Variants in ATG5 observed in about 807,000 individuals in gnomAD.
The protein encoded by ATG5 is autophagy protein 5.
In ATG5, 14 loss-of-function variants were observed where a neutral mutation model predicts 36.5. That is an observed-to-expected ratio of 0.38 (90% CI 0.25 to 0.60). The LOEUF is 0.60. Among genes scored for constraint, ATG5 ranks in the 20% least tolerant of loss-of-function variants. ATG5 has a pLI of 0.60. For synonymous variants in ATG5, 95 were observed against 101.5 expected (o/e 0.94, Z 0.38); for missense variants, 195 against 326.7 (o/e 0.60, Z 3.11).
chr6:106,191,106 T>C (rs746401086), intron 7 of ATG5, among the ~76,000 whole-genome samples: 12 of 152,206 alleles, frequency 7.9e-5, no homozygotes, highest in South Asian at 2.1e-4. Flanking sequence ...AGCTGACCAT[T>C]AGAATCATGT....
At chr6:106,306,612 A>G (rs1770456420) in intron 3 of ATG5, among the ~76,000 whole-genome samples, 1 of 152,232 alleles carries the variant, frequency 6.6e-6, no homozygotes, top group African/African-American at 2.4e-5. Flanking sequence ...CTGCTTTACA[A>G]TAAAACTGAA....
intron 6 of ATG5, among the ~76,000 whole-genome samples, chr6:106,214,393 A>G (rs1776963603): frequency 6.6e-6 from 1 of 152,074 alleles, no homozygotes; most frequent in Non-Finnish European, 1.5e-5. Flanking sequence ...GAGAGTTGAA[A>G]ATAAGCACTT....
intron 5 of ATG5, among the ~76,000 whole-genome samples, chr6:106,276,875 AG>A (rs754676904): frequency 3.3e-5 from 5 of 152,188 alleles, no homozygotes; most frequent in Non-Finnish European, 7.4e-5. Flanking sequence ...CTTCTTAAGG[AG>A]GTGTAAATTA....
intron 3 of ATG5, among the ~76,000 whole-genome samples, chr6:106,299,758 A>G (rs1324858842): frequency 6.6e-6 from 1 of 152,240 alleles, no homozygotes; most frequent in Non-Finnish European, 1.5e-5. Flanking sequence ...TCTAGTATAA[A>G]TATCTGTACT....
chr6:106,323,581 G>A (rs1468937507), intron 1 of ATG5, among the ~76,000 whole-genome samples: 2 of 151,988 alleles, frequency 1.3e-5, no homozygotes, highest in Admixed American at 6.6e-5. Flanking sequence ...CCTTGGAGTC[G>A]TCCTTGACCC....
chr6:106,271,030 A>G (rs1009843718), intron 5 of ATG5, among the ~76,000 whole-genome samples: 2 of 152,212 alleles, frequency 1.3e-5, no homozygotes, highest in Non-Finnish European at 2.9e-5. Flanking sequence ...CTGGACTCCT[A>G]TTCCATTCTA....
chr6:106,225,923 A>C (rs2853340), intron 6 of ATG5, among the ~76,000 whole-genome samples: 1 of 152,176 alleles, frequency 6.6e-6, no homozygotes, highest in Non-Finnish European at 1.5e-5. Flanking sequence ...TAAGAAATCC[A>C]AAGGGGGTCT....
chr6:106,286,553 A>G (rs918017118), intron 4 of ATG5, among the ~76,000 whole-genome samples: 11 of 152,274 alleles, frequency 7.2e-5, no homozygotes, highest in Admixed American at 5.2e-4. Flanking sequence ...TGGTATTCCT[A>G]TCTTTCTATA....
At chr6:106,221,198 T>C (rs1777233580) in intron 6 of ATG5, among the ~76,000 whole-genome samples, 1 of 152,216 alleles carries the variant, frequency 6.6e-6, no homozygotes, top group African/African-American at 2.4e-5. Context: ...ACATCAACTG[T>C]AATCTGAGGT....
intron 5 of ATG5, among the ~76,000 whole-genome samples, chr6:106,260,744 T>C (rs1347096565): frequency 6.6e-6 from 1 of 152,172 alleles, no homozygotes; most frequent in Admixed American, 6.6e-5. Flanking sequence ...CAGTATCCAA[T>C]GAGTAACAAG....
intron 6 of ATG5, among the ~76,000 whole-genome samples, chr6:106,247,869 C>T (rs928807858): frequency 6.6e-6 from 1 of 152,134 alleles, no homozygotes; most frequent in Non-Finnish European, 1.5e-5. Flanking sequence ...CTCTGAATGA[C>T]CGTAAAAGTG....
intron 2 of ATG5, among the ~76,000 whole-genome samples, chr6:106,314,823 TG>T (rs1356518434): frequency 6.6e-6 from 1 of 152,202 alleles, no homozygotes; most frequent in Non-Finnish European, 1.5e-5. Context: ...TGACCATACT[TG>T]GTTTTTAACT....
chr6:106,306,497 G>C (rs1770451281), intron 3 of ATG5, among the ~76,000 whole-genome samples: 1 of 152,180 alleles, frequency 6.6e-6, no homozygotes, highest in Non-Finnish European at 1.5e-5. Flanking sequence ...GCACTTGTAG[G>C]AAGAGGCCAG....
At chr6:106,321,993 G>A (rs757965882) in intron 1 of ATG5, among the ~76,000 whole-genome samples, 4 of 152,130 alleles carry the variant, frequency 2.6e-5, no homozygotes, top group South Asian at 2.1e-4. Flanking sequence ...CAGTATAGTC[G>A]CACTTTAAAT....
intron 5 of ATG5, among the ~76,000 whole-genome samples, chr6:106,253,962 G>A (rs1336789733): frequency 1.3e-5 from 2 of 152,066 alleles, no homozygotes; most frequent in Non-Finnish European, 2.9e-5. Flanking sequence ...ATTCCTACCA[G>A]GCCCATTCCA....
intron 4 of ATG5, chr6:106,283,314 T>C (rs1333074568): frequency 6.6e-6 from 1 of 152,232 alleles, no homozygotes; most frequent in African/African-American, 2.4e-5. Flanking sequence ...TAACACAAGT[T>C]GGCAAGTGTC....
At chr6:106,251,717 AAGAAAGAGAAAG>A (rs971657759) in intron 5 of ATG5, among the ~76,000 whole-genome samples, 1 of 146,058 alleles carries the variant, frequency 6.8e-6, no homozygotes, top group African/African-American at 2.5e-5. Context: ...AAAAGAAAGA[AAGAAAGAGAAAG>A]AGAAAGAAAG....
Position 106,316,098 on chromosome 6 carries a change from T to C in ATG5, c.108+3A>G. ...TCCCATTTGCCACAATCAATGTACT[T>C]ACATAGTATGGTTCTGCTTCCCTTT... On this transcript the variant is annotated splice_donor_region_variant and intron_variant, in intron 2 of 7. Transcript: ENST00000369076. 1 of 1,607,776 alleles carries C rather than the reference T, an allele frequency of 6.2e-7. No individual in the cohort carries two copies. The highest frequency in any genetic ancestry group is 1.1e-5 in the South Asian group (1 of 90,314).
rs646438 is a variant in ATG5 at position 106,249,735 on chromosome 6, T to C, written c.479-1491A>G. ...CCTTACATTTCCACCAGCAATGTAT[T>C]TGGATTCCAATTAGTCCACATCCTT... is the stretch of plus-strand genomic sequence containing the variant. On this transcript the variant is annotated intron_variant, in intron 5 of 7. Transcript: ENST00000369076. Among the ~76,000 whole-genome samples the C allele has an allele frequency of 2.9e-3, 437 of 152,302 alleles. 3 individuals are homozygous for C. Among genetic ancestry groups the C allele is most frequent in the African/African-American group, 9.3e-3 (388 of 41,564 alleles).
Sources: allele counts gnomAD v4.1 joint callset (sites outside exome capture counted in the v4.1 genomes callset), GRCh38; gene constraint gnomAD v4.1.1; transcripts MANE v1.5; gene names NCBI Gene and HGNC (gene_info 2026-07-23, HGNC 2026-07-21).